PCDHGB7: variants seen among roughly 807,000 people sequenced by gnomAD.
PCDHGB7 encodes the protein protocadherin gamma subfamily B, 7.
Under a neutral mutation model 61.4 loss-of-function variants are expected in PCDHGB7, and 37 were observed. The ratio of observed to expected loss-of-function variants is 0.60; its 90% CI spans 0.46 to 0.79. The LOEUF is 0.79. Ranked by LOEUF, PCDHGB7 falls within the 30% of genes least tolerant of loss-of-function variation. PCDHGB7 has a pLI of 0.00. For missense variants in PCDHGB7, 1,166 were observed against 1,202.5 expected, an observed-to-expected ratio of 0.97 and a Z score of 0.45; for synonymous variants, 464 against 503.5, an observed-to-expected ratio of 0.92 and a Z score of 1.05.
intron 1 of PCDHGB7, among the ~76,000 whole-genome samples, chr5:141,438,325 A>C (rs1400796518): frequency 6.6e-6 from 1 of 151,948 alleles, no homozygotes; most frequent in African/African-American, 2.4e-5. Context: ...AATTTTTCTT[A>C]TACATGTCAT....
rs1361985861 is a variant in PCDHGB7, at chr5:141,417,950, GAGCCGATCCGCT to G, written c.93_104del (p.Glu31_Tyr35delinsAsp). 1 of 1,613,484 alleles carries G rather than the reference GAGCCGATCCGCT, an allele frequency of 6.2e-7. No homozygotes were observed. Among genetic ancestry groups the G allele is most frequent in the African/African-American group, 1.3e-5 (1 of 74,934 alleles). On this transcript the variant is annotated inframe_deletion, in exon 1 of 4. Transcript: ENST00000398594. ...GCCTTTGTTCTACCCCACGCTGTGT[GAGCCGATCCGCT>G]ACTCGATTCCGGAGGAGCTGGCCAA...
chr5:141,477,158 A>G lies in PCDHGB7; in HGVS notation c.2416-17649A>G, dbSNP rs1476516538. 1.2e-6 allele frequency: 2 copies of G among 1,614,154 alleles called. No individual in the cohort carries two copies. Among genetic ancestry groups the G allele is most frequent in the Non-Finnish European group, 1.7e-6 (2 of 1,180,018 alleles). ...GGTGGAGGTTGTGGATGTGAATGACAACGCCCCGGAGATCACAGTCACCTC... is the reference window on the plus strand; with the variant it reads ...GGTGGAGGTTGTGGATGTGAATGACGACGCCCCGGAGATCACAGTCACCTC... On this transcript the variant is annotated intron_variant, in intron 1 of 3. Coordinates refer to ENST00000398594, the MANE Select transcript of PCDHGB7 (RefSeq NM_018927.4). This position sits in a 1 kb window ranked among gnomAD's most constrained non-coding sequence, Gnocchi z 4.9.
At chr5:141,421,363 G>T (rs749916401) in intron 1 of PCDHGB7, 2 of 1,613,898 alleles carry the variant, frequency 1.2e-6, no homozygotes, top group South Asian at 2.2e-5. Flanking sequence ...GGGCTCCTTC[G>T]TGGGCAATAT....
chr5:141,473,374 G>A (rs1437989884), intron 1 of PCDHGB7, among the ~76,000 whole-genome samples: 1 of 152,204 alleles, frequency 6.6e-6, no homozygotes, highest in African/African-American at 2.4e-5. Context: ...AAATAGCATG[G>A]TCCCTGCCCT....
intron 1 of PCDHGB7, chr5:141,421,860 C>G: frequency 8.1e-6 from 13 of 1,613,750 alleles, no homozygotes; most frequent in Non-Finnish European, 1.1e-5. Context: ...CTCACCTGCT[C>G]CTCCTCACAG....
chr5:141,463,176 C>CA (rs2099054640), intron 1 of PCDHGB7, among the ~76,000 whole-genome samples: 1 of 152,100 alleles, frequency 6.6e-6, no homozygotes, highest in African/African-American at 2.4e-5. Flanking sequence ...TATGTATGCT[C>CA]AGATTATTAT....
In PCDHGB7 at chr5:141,418,980, A is replaced by G; in HGVS notation, c.1121A>G (p.Gln374Arg). 1 of 1,614,004 alleles carries G rather than the reference A, an allele frequency of 6.2e-7. No individual in the cohort carries two copies. ...GTTGCCCTCTTCAAAACACGGGACC[A>G]AGACTCAGGGGAAAATGGGGAAGTC... Reference protein sequence around the residue: ...VVVALFKTRDQDSGENGEVRC... With the variant: ...VVVALFKTRDRDSGENGEVRC... The change falls in exon 1 of 4, where the codon CAA becomes CGA. Residue 374 changes from glutamine to arginine, a missense_variant. Transcript: ENST00000398594.
Position 141,476,013 on chromosome 5 carries a change from G to A in PCDHGB7, c.2416-18794G>A. ...AAATCAACGGCATCCAGAAAGCCAT[G>A]TCGGACTCGGCGCCCAGCGCCCAAG... On this transcript the variant is annotated intron_variant, in intron 1 of 3. Coordinates refer to ENST00000398594, the MANE Select transcript of PCDHGB7 (RefSeq NM_018927.4). The surrounding 1 kb of genome is among the most constrained non-coding windows in gnomAD (Gnocchi z 7.6). The A allele has an allele frequency of 7.5e-7, 1 of 1,334,720 alleles. No individual in the cohort carries two copies. The highest frequency in any genetic ancestry group is 1.0e-6 in the Non-Finnish European group (1 of 983,502). 82.7% of individuals were successfully genotyped at this position (1,334,720 alleles called of 1,614,324 possible). A position where few individuals can be genotyped will look rare whatever the true frequency, so the allele number is the denominator to read the frequency against.
At position 141,419,268 on chromosome 5, in the gene PCDHGB7, C is replaced by T. The variant is rs1240259934; in HGVS notation, c.1409C>T (p.Ser470Phe). 6.2e-6 allele frequency: 10 copies of T among 1,614,050 alleles called. No homozygotes were observed. The East Asian group carries it at 2.2e-4, about 36-fold the overall frequency. ...CCAGAAAACAACCAGCCGGGTGCCT[C>T]CATAGCGCAAGTCAGTGCCTCTGAC... is the stretch of plus-strand genomic sequence containing the variant. ...HVPENNQPGA[S>F]IAQVSASDPD... Residue 470 changes from serine (S) to phenylalanine (F), a missense_variant, in exon 1 of 4, where the codon TCC becomes TTC. Transcript: ENST00000398594.
Position 141,486,829 on chromosome 5 carries a change from T to A in PCDHGB7, c.2416-7978T>A. 1 of 1,614,178 alleles carries A rather than the reference T, an allele frequency of 6.2e-7. No individual in the cohort carries two copies. On this transcript the variant is annotated intron_variant, in intron 1 of 3. Coordinates refer to ENST00000398594, the MANE Select transcript of PCDHGB7 (RefSeq NM_018927.4). The surrounding 1 kb of genome is among the most constrained non-coding windows in gnomAD (Gnocchi z 5.0). ...CCCTTAGCAGCACTGTAACAGTTCG[T>A]CTATTTGTGCTGGACCTCAATGACA...
At chr5:141,422,470 T>G in intron 1 of PCDHGB7, 1 of 1,613,440 alleles carries the variant, frequency 6.2e-7, no homozygotes, top group South Asian at 1.1e-5. Flanking sequence ...GGACAGGGAG[T>G]TGGTCCAGAG....
intron 2 of PCDHGB7, among the ~76,000 whole-genome samples, chr5:141,497,050 G>A (rs113054804): frequency 6.6e-5 from 10 of 152,096 alleles, no homozygotes; most frequent in East Asian, 5.8e-4. Context: ...TTAGCCAGGC[G>A]TGGTGGCAGG....
chr5:141,481,880 C>CTCCA (rs1483509373), intron 1 of PCDHGB7, among the ~76,000 whole-genome samples: 1 of 145,300 alleles, frequency 6.9e-6, no homozygotes, highest in Non-Finnish European at 1.5e-5. Context: ...CGCCACTGCA[C>CTCCA]TCCAGCCTGG....
chr5:141,489,101 T>A lies in PCDHGB7; in HGVS notation c.2416-5706T>A. 2 of 398,380 alleles carry A rather than the reference T, an allele frequency of 5.0e-6. No individual in the cohort carries two copies. Among genetic ancestry groups the A allele is most frequent in the Non-Finnish European group, 9.0e-6 (2 of 223,310 alleles). The allele number at this position is 398,380 out of a possible 1,614,324, so 24.7% of individuals were successfully genotyped here. ...CCGCCACTCGGTGACTAAGAACTGC[T>A]GCAAGCAGGCAAACCTCCGAGCAGT... On this transcript the variant is annotated intron_variant, in intron 1 of 3. Coordinates refer to ENST00000398594, the MANE Select transcript of PCDHGB7 (RefSeq NM_018927.4). This position sits in a 1 kb window ranked among gnomAD's most constrained non-coding sequence, Gnocchi z 4.5.
Position 141,491,300 on chromosome 5 carries a change from G to T in PCDHGB7, c.2416-3507G>T. On this transcript the variant is annotated intron_variant, in intron 1 of 3. Coordinates refer to ENST00000398594, the MANE Select transcript of PCDHGB7 (RefSeq NM_018927.4). The surrounding 1 kb of genome is among the most constrained non-coding windows in gnomAD (Gnocchi z 6.9). Reference sequence around the variant, plus strand: ...GACTTCCTCATACACCCTCCTGAGCGTTCAGACCTTACCCTTTACCTCATT... The same window carrying T: ...GACTTCCTCATACACCCTCCTGAGCTTTCAGACCTTACCCTTTACCTCATT... The T allele has an allele frequency of 6.2e-7, 1 of 1,614,136 alleles. No homozygotes were observed. The highest frequency in any genetic ancestry group is 8.5e-7 in the Non-Finnish European group (1 of 1,179,962).
At chr5:141,462,062 A>T (rs957948334) in intron 1 of PCDHGB7, among the ~76,000 whole-genome samples, 3 of 152,168 alleles carry the variant, frequency 2.0e-5, no homozygotes, top group African/African-American at 2.4e-5. Context: ...ACCTCAGGTG[A>T]TCTGCCCGCC....
At chr5:141,435,446 G>A (rs889481920) in intron 1 of PCDHGB7, among the ~76,000 whole-genome samples, 12 of 152,060 alleles carry the variant, frequency 7.9e-5, no homozygotes, top group Admixed American at 6.6e-4. Context: ...TCATTAATAC[G>A]ATATCTGTAT....
rs780395794 is a variant in PCDHGB7, at chr5:141,489,685, G to A, written c.2416-5122G>A. ...GCGCATCTCAGAATCAGCAGCATCT[G>A]GGGCACGATTCCCACTGGACAGTGC... On this transcript the variant is annotated intron_variant, in intron 1 of 3. Coordinates refer to ENST00000398594, the MANE Select transcript of PCDHGB7 (RefSeq NM_018927.4). The surrounding 1 kb of genome is among the most constrained non-coding windows in gnomAD (Gnocchi z 4.5). 10 of 1,614,142 alleles carry A rather than the reference G, an allele frequency of 6.2e-6. No individual in the cohort carries two copies. The South Asian group carries it at 1.1e-4, about 18-fold the overall frequency.
Position 141,487,463 on chromosome 5 carries a change from G to T in PCDHGB7, c.2416-7344G>T, listed in dbSNP as rs754798527. 1 of 1,614,136 alleles carries T rather than the reference G, an allele frequency of 6.2e-7. No homozygotes were observed. The highest frequency in any genetic ancestry group is 1.7e-5 in the Admixed American group (1 of 60,016). ...GTCAGATGACCCTATCAAGTTTGTT[G>T]ATGTGGGAGGCCACTCTCATGGCTG... On this transcript the variant is annotated intron_variant, in intron 1 of 3. Coordinates refer to ENST00000398594, the MANE Select transcript of PCDHGB7 (RefSeq NM_018927.4). The surrounding 1 kb of genome is among the most constrained non-coding windows in gnomAD (Gnocchi z 5.0).
Sources: gnomAD v4.1 joint callset for allele counts (sites outside exome capture counted in the v4.1 genomes callset) on GRCh38, gnomAD v4.1.1 for gene constraint, Gnocchi (gnomAD v3.1) non-coding constraint, MANE v1.5 for transcripts, NCBI Gene and HGNC (gene_info 2026-07-23, HGNC 2026-07-21) for gene names.